Variants in NF1 observed in about 807,000 individuals in gnomAD.
The protein encoded by NF1 is neurofibromin.
In NF1, 122 loss-of-function variants were observed where a neutral mutation model predicts 325.7. The ratio of observed to expected loss-of-function variants is 0.37; its 90% CI spans 0.32 to 0.44. NF1 has a LOEUF of 0.44. Among genes scored for constraint, NF1 ranks in the 20% least tolerant of loss-of-function variants. The pLI is 1.00. For synonymous variants in NF1, 1,091 were observed against 1,186.0 expected (o/e 0.92, Z 1.65); for missense variants, 2,140 against 3,415.4 (o/e 0.63, Z 9.31).
rs1356757316 is a variant in NF1 at position 31,261,711 on chromosome 17, G to A, written c.4578G>A (p.Arg1526=). ...EKIGQYLSSN[R]DHKAVGRRPF... ...TTTCTAAGTAGTTTGCTGTATCTAG[G>A]GATCATAAAGCTGTTGGAAGACGAC... The change falls in exon 35 of 58, where the codon AGG becomes AGA. Residue 1526 remains arginine, a splice_region_variant and synonymous_variant. Coordinates refer to ENST00000358273, the MANE Select transcript of NF1 (RefSeq NM_001042492.3). 6.2e-7 allele frequency: 1 copy of A among 1,611,834 alleles called. No homozygotes were observed.
chr17:31,095,595 G>C, intron 1 of NF1: 1 of 570,622 alleles, frequency 1.8e-6, no homozygotes, highest in Non-Finnish European at 3.1e-6. Flanking sequence ...TCCTAAGTCG[G>C]GGGGTGGGGC....
At chr17:31,108,914 A>C (rs1219164912) in intron 1 of NF1, among the ~76,000 whole-genome samples, 1 of 152,162 alleles carries the variant, frequency 6.6e-6, no homozygotes, top group East Asian at 1.9e-4. Context: ...GCACTTTTTC[A>C]CAGGGATCTA....
intron 36 of NF1, chr17:31,304,284 A>G (rs2068646345): frequency 6.2e-7 from 1 of 1,610,908 alleles, no homozygotes. Context: ...CTGCAGGTGG[A>G]GGTGGCAGGG....
intron 1 of NF1, among the ~76,000 whole-genome samples, chr17:31,140,022 A>G (rs1916103874): frequency 6.6e-6 from 1 of 152,172 alleles, no homozygotes; most frequent in African/African-American, 2.4e-5. Flanking sequence ...GTAACATACC[A>G]GTTCATTTTT....
At chr17:31,152,120 C>A (rs2143599423) in intron 1 of NF1, among the ~76,000 whole-genome samples, 1 of 150,612 alleles carries the variant, frequency 6.6e-6, no homozygotes, top group Non-Finnish European at 1.5e-5. Flanking sequence ...ATTTATTTTA[C>A]TTTATTGTTT....
chr17:31,358,939 G>A (rs374645513), intron 55 of NF1, 30 bp from the exon 56 acceptor site: 267 of 1,599,814 alleles, frequency 1.7e-4, no homozygotes, highest in Non-Finnish European at 2.1e-4. Flanking sequence ...TACCTTGCTT[G>A]TTATAAGAGT....
rs1555614496 is a variant in NF1 at position 31,230,262 on chromosome 17, A to T, written c.2993A>T (p.Tyr998Phe). ...TTATTGTTTCTATGTCTATATAGGT[A>T]TGTTCGTGTGCTTGGGAATATGGTC... is the stretch of plus-strand genomic sequence containing the variant. ...IETMMLNLVRYVRVLGNMVHA... is the reference protein window; with the variant it reads ...IETMMLNLVRFVRVLGNMVHA... Residue 998 changes from tyrosine (Y) to phenylalanine (F), a missense_variant and splice_region_variant, in exon 23 of 58, where the codon TAT becomes TTT. Physicochemically the swap from Tyr to Phe is conservative, Grantham distance 22 (BLOSUM62 3). Around this residue, in one of 10 missense-constraint regions of NF1, gnomAD observed 380 missense variants for 639.3 expected, o/e 0.59. Coordinates refer to ENST00000358273, the MANE Select transcript of NF1 (RefSeq NM_001042492.3). The T allele has an allele frequency of 6.2e-7, 1 of 1,608,700 alleles. No individual in the cohort carries two copies. The highest frequency in any genetic ancestry group is 8.5e-7 in the Non-Finnish European group (1 of 1,176,768).
intron 1 of NF1, among the ~76,000 whole-genome samples, chr17:31,103,821 AC>A (rs1490647308): frequency 2.6e-5 from 4 of 152,210 alleles, no homozygotes; most frequent in African/African-American, 7.2e-5. Context: ...AGTAAAAAAA[AC>A]AAATAAAAAA....
At chr17:31,326,562 G>T (rs1324597539) in intron 37 of NF1, among the ~76,000 whole-genome samples, 1 of 151,982 alleles carries the variant, frequency 6.6e-6, no homozygotes, top group African/African-American at 2.4e-5. Flanking sequence ...CAGGAGAATC[G>T]CTTGAACCCG....
chr17:31,342,186 T>C (rs2069842157), intron 47 of NF1, among the ~76,000 whole-genome samples: 1 of 152,206 alleles, frequency 6.6e-6, no homozygotes, highest in Non-Finnish European at 1.5e-5. Flanking sequence ...CCCATGCTTG[T>C]ACATCTGTTT....
At chr17:31,329,391 C>T (rs2069425523) in intron 38 of NF1, among the ~76,000 whole-genome samples, 2 of 152,068 alleles carry the variant, frequency 1.3e-5, no homozygotes, top group Non-Finnish European at 2.9e-5. Flanking sequence ...TGAAGCATGT[C>T]ATCCCAGAGA....
chr17:31,154,732 C>CTTTTTT (rs71142026), intron 1 of NF1, among the ~76,000 whole-genome samples: 20 of 103,404 alleles, frequency 1.9e-4, no homozygotes, highest in Non-Finnish European at 2.3e-4. Flanking sequence ...TTAGTATTTC[C>CTTTTTT]TTTTTTTTTT....
intron 36 of NF1, among the ~76,000 whole-genome samples, chr17:31,284,363 A>C (rs1476639309): frequency 6.6e-6 from 1 of 151,584 alleles, no homozygotes; most frequent in Non-Finnish European, 1.5e-5. Flanking sequence ...GCTCACTGCA[A>C]CCTCCGCCCC....
At chr17:31,099,266 TAAA>T (rs1361891505) in intron 1 of NF1, among the ~76,000 whole-genome samples, 1 of 152,206 alleles carries the variant, frequency 6.6e-6, no homozygotes, top group Non-Finnish European at 1.5e-5. Context: ...TAGACTCAGT[TAAA>T]AGAAGTGGAT....
At chr17:31,282,527 C>T (rs746415358) in intron 36 of NF1, among the ~76,000 whole-genome samples, 6 of 152,130 alleles carry the variant, frequency 3.9e-5, no homozygotes, top group Non-Finnish European at 5.9e-5. Flanking sequence ...TGCCCCCCCT[C>T]AGCCCCTGGC....
intron 51 of NF1, among the ~76,000 whole-genome samples, chr17:31,353,686 C>G (rs1389972401): frequency 6.6e-6 from 1 of 152,192 alleles, no homozygotes; most frequent in Non-Finnish European, 1.5e-5. Context: ...GATGTTCTTG[C>G]ATTCCATTGG....
At chr17:31,268,895 G>A (rs2067839725) in intron 36 of NF1, among the ~76,000 whole-genome samples, 1 of 151,612 alleles carries the variant, frequency 6.6e-6, no homozygotes, top group Admixed American at 6.6e-5. Context: ...TTGTAGAGAT[G>A]AGGTTTTGCT....
In NF1 at chr17:31,277,050, T is replaced by C. The variant is rs115546059; in HGVS notation, c.4835+11711T>C. ...AGTGAAATAAGCTCCAGAAAAGAAA[T>C]TGTTACCCAGAAAATCATGAGGAAG... On this transcript the variant is annotated intron_variant, in intron 36 of 57. Transcript: ENST00000358273. Among the ~76,000 whole-genome samples the C allele has an allele frequency of 4.3e-3, 661 of 152,264 alleles. 2 individuals are homozygous for C. Among genetic ancestry groups the C allele is most frequent in the Middle Eastern group, 0.027 (8 of 294 alleles).
At chr17:31,234,366 A>AT (rs999124424) in intron 27 of NF1, among the ~76,000 whole-genome samples, 1 of 152,132 alleles carries the variant, frequency 6.6e-6, no homozygotes, top group African/African-American at 2.4e-5. Flanking sequence ...GAAAATAGTA[A>AT]TTTTTTAAAT....
Sources: gnomAD v4.1 joint callset for allele counts (sites outside exome capture counted in the v4.1 genomes callset) on GRCh38, gnomAD v4.1.1 for gene constraint, gnomAD v4.1.1 regional missense constraint, MANE v1.5 for transcripts, NCBI Gene and HGNC (gene_info 2026-07-23, HGNC 2026-07-21) for gene names.